The following TRDN variants were observed in gnomAD, a reference collection of about 807,000 sequenced individuals.
TRDN encodes triadin, also known as triadin in skeletal muscle.
Under a neutral mutation model 149.7 loss-of-function variants are expected in TRDN, and 161 were observed. The observed-to-expected ratio is 1.08, with a 90% CI of 0.95 to 1.23. TRDN has a LOEUF of 1.23. Ranked by LOEUF, TRDN falls within the 50% of genes most tolerant of loss-of-function variation. TRDN has a pLI of 0.00. For synonymous variants in TRDN, 294 were observed against 250.5 expected (o/e 1.17, Z -1.64); for missense variants, 896 against 823.5 (o/e 1.09, Z -1.08).
chr6:123,309,552 C>T (rs564679697), intron 24 of TRDN, among the ~76,000 whole-genome samples: 13 of 152,030 alleles, frequency 8.6e-5, no homozygotes, highest in African/African-American at 1.4e-4. Flanking sequence ...ATTCATGTAT[C>T]GCTAGTATAA....
chr6:123,370,962 T>A (rs1781301635), intron 19 of TRDN, among the ~76,000 whole-genome samples: 1 of 151,378 alleles, frequency 6.6e-6, no homozygotes, highest in Admixed American at 6.6e-5. Flanking sequence ...TTGCTATTAA[T>A]CTCTTGCTAT....
chr6:123,275,011 A>T (rs80075506), intron 26 of TRDN, among the ~76,000 whole-genome samples: 1,879 of 152,248 alleles, frequency 0.012, 24 homozygotes, highest in Non-Finnish European at 0.017. Context: ...TTCTAAGATG[A>T]TTATTGCAGA....
intron 6 of TRDN, among the ~76,000 whole-genome samples, chr6:123,512,579 T>C (rs1779235087): frequency 2.0e-5 from 3 of 152,070 alleles, no homozygotes; most frequent in Non-Finnish European, 4.4e-5. Context: ...AGCAAGCTTG[T>C]TGAAAATCAG....
chr6:123,263,843 A>G (rs1364822953), intron 33 of TRDN, among the ~76,000 whole-genome samples: 1 of 152,064 alleles, frequency 6.6e-6, no homozygotes, highest in Non-Finnish European at 1.5e-5. Context: ...AATTATGCCA[A>G]ATCTACTCTG....
intron 12 of TRDN, among the ~76,000 whole-genome samples, chr6:123,430,090 T>C (rs986564744): frequency 6.6e-6 from 1 of 151,872 alleles, no homozygotes; most frequent in African/African-American, 2.4e-5. Context: ...GGCATCACAG[T>C]GAGACCTCAC....
Position 123,289,016 on chromosome 6 carries a change from G to GTGT in TRDN, c.1511-9935_1511-9934insACA, listed in dbSNP as rs1562247004. 4.6e-3 allele frequency among the ~76,000 whole-genome samples: 483 copies of GTGT among 103,990 alleles called. 16 individuals are homozygous for GTGT. The East Asian group carries it at 0.25, about 53-fold the overall frequency. 68.2% of individuals were successfully genotyped at this position (103,990 alleles called of 152,430 possible). The stretch of plus-strand genomic sequence containing the variant: ...AATATATGGATTTAAAAATGTGGGG[G>GTGT]GTGTGTGTGTGTGTGTGTGTGTATA... On this transcript the variant is annotated intron_variant, in intron 24 of 40. Transcript: ENST00000334268.
intron 9 of TRDN, chr6:123,471,766 TG>T (rs1325643017): frequency 1.3e-5 from 2 of 152,232 alleles, no homozygotes; most frequent in African/African-American, 4.8e-5. Flanking sequence ...GTAATATTAG[TG>T]TTTTTTTCTT....
At chr6:123,283,985 C>CATTTATATATATATATATAT (rs1777700990) in intron 24 of TRDN, among the ~76,000 whole-genome samples, 1 of 57,220 alleles carries the variant, frequency 1.7e-5, no homozygotes, top group Admixed American at 2.1e-4. Context: ...CAACATGGCA[C>CATTTATATATATATATATAT]ATATATATAT....
chr6:123,324,986 G>A (rs1779386753), intron 23 of TRDN, among the ~76,000 whole-genome samples: 1 of 151,888 alleles, frequency 6.6e-6, no homozygotes, highest in Admixed American at 6.6e-5. Context: ...GATTTTAAAG[G>A]CATCTTCTAA....
In TRDN at chr6:123,439,015, A is replaced by G; in HGVS notation, c.932-12T>C. ...TTCCCCTTCTTTTTCTAGAGAATAC[A>G]TTTAAAATATTTCCTTTAGGGAAAT... On this transcript the variant is annotated splice_polypyrimidine_tract_variant and intron_variant, in intron 10 of 40. Coordinates refer to ENST00000334268, the MANE Select transcript of TRDN (RefSeq NM_006073.4). 1.3e-6 allele frequency: 2 copies of G among 1,535,492 alleles called. No individual in the cohort carries two copies. The highest frequency in any genetic ancestry group is 1.8e-6 in the Non-Finnish European group (2 of 1,138,228).
chr6:123,222,879 A>G (rs1427996406), intron 39 of TRDN, among the ~76,000 whole-genome samples: 2 of 151,890 alleles, frequency 1.3e-5, no homozygotes, highest in Non-Finnish European at 2.9e-5. Context: ...CATTCAATCA[A>G]CAAGCGTATG....
At chr6:123,599,412 G>A (rs1223852364) in intron 1 of TRDN, among the ~76,000 whole-genome samples, 1 of 152,012 alleles carries the variant, frequency 6.6e-6, no homozygotes, top group African/African-American at 2.4e-5. Flanking sequence ...TTGCAATAAA[G>A]CCATGAGATG....
rs3813329 is a variant in TRDN, at chr6:123,267,414, T to C, written c.1783+293A>G. Among the ~76,000 whole-genome samples, 10 of 152,100 alleles carry C rather than the reference T, an allele frequency of 6.6e-5. No individual in the cohort carries two copies. In the East Asian group the frequency reaches 1.5e-3, roughly 23 times the overall value. ...TATCAACTTAATCTGTATGATAAAT[T>C]ATATTAATACTGACAACAGTGAAAT... On this transcript the variant is annotated intron_variant, in intron 32 of 40. Coordinates refer to ENST00000334268, the MANE Select transcript of TRDN (RefSeq NM_006073.4).
intron 38 of TRDN, among the ~76,000 whole-genome samples, chr6:123,234,973 G>T (rs1195547671): frequency 2.6e-5 from 4 of 152,070 alleles, no homozygotes; most frequent in African/African-American, 9.7e-5. Context: ...ATTGTCCTAG[G>T]GGACTGTGAG....
intron 38 of TRDN, among the ~76,000 whole-genome samples, chr6:123,232,078 G>T (rs546834135): frequency 1.2e-3 from 186 of 152,002 alleles, no homozygotes; most frequent in African/African-American, 4.3e-3. Context: ...CAAAGAAGTA[G>T]ATAATGTAGA....
At chr6:123,586,240 A>G (rs1305346265) in intron 1 of TRDN, among the ~76,000 whole-genome samples, 1 of 152,134 alleles carries the variant, frequency 6.6e-6, no homozygotes. Context: ...TCACGGAATG[A>G]AACTGTAAGC....
At chr6:123,406,859 G>A (rs1183114143) in intron 12 of TRDN, among the ~76,000 whole-genome samples, 1 of 152,086 alleles carries the variant, frequency 6.6e-6, no homozygotes, top group Non-Finnish European at 1.5e-5. Flanking sequence ...AACAAAAATT[G>A]TCGTCTTTAT....
In TRDN at chr6:123,503,360, C is replaced by G. The variant is rs1778779356; in HGVS notation, c.793+359G>C. On this transcript the variant is annotated intron_variant, in intron 8 of 40. Coordinates refer to ENST00000334268, the MANE Select transcript of TRDN (RefSeq NM_006073.4). ...TAGGAATTGCTGTCATTTTGGGGGA[C>G]CACTTTCCTCCAAAGAGTATGACAC... 4.1e-6 allele frequency: 4 copies of G among 985,278 alleles called. No homozygotes were observed. In the South Asian group the frequency reaches 1.9e-4, roughly 46 times the overall value. The allele number at this position is 985,278 out of a possible 1,614,324, so 61.0% of individuals were successfully genotyped here. A position where few individuals can be genotyped will look rare whatever the true frequency, so the allele number is the denominator to read the frequency against.
intron 4 of TRDN, among the ~76,000 whole-genome samples, chr6:123,534,740 A>G (rs1780435565): frequency 6.6e-6 from 1 of 152,188 alleles, no homozygotes; most frequent in Admixed American, 6.6e-5. Context: ...TGTTAATACT[A>G]GCTTCTGGTT....
Sources: allele counts gnomAD v4.1 joint callset (sites outside exome capture counted in the v4.1 genomes callset), GRCh38; gene constraint gnomAD v4.1.1; transcripts MANE v1.5; gene names NCBI Gene and HGNC (gene_info 2026-07-23, HGNC 2026-07-21).